SLC4A11: variants seen among roughly 807,000 people sequenced by gnomAD.
The protein encoded by SLC4A11 is solute carrier family 4 member 11.
Under a neutral mutation model 95.0 loss-of-function variants are expected in SLC4A11, and 74 were observed. The observed-to-expected ratio is 0.78, with a 90% CI of 0.65 to 0.95. The LOEUF (loss-of-function observed/expected upper bound fraction) is 0.95, where lower values mean the gene tolerates loss of function less well. SLC4A11 is among the 40% of genes least tolerant of loss of function. SLC4A11 has a pLI of 0.00. For synonymous variants in SLC4A11, 548 were observed against 519.0 expected (o/e 1.06, Z -0.76); for missense variants, 1,081 against 1,192.4 (o/e 0.91, Z 1.38).
In SLC4A11 at chr20:3,239,113, A is replaced by G; in HGVS notation, c.25T>C (p.Phe9Leu). MAAATRRV[F>L]HLQPCENSPT... ...CACCCACCGCACGGCTGCAGATGGAACACGCGCCTGGTGGCCGCGGCCATG... is the reference window on the plus strand; with the variant it reads ...CACCCACCGCACGGCTGCAGATGGAGCACGCGCCTGGTGGCCGCGGCCATG... The change falls in exon 1 of 20, where the codon TTC (phenylalanine) becomes CTC (leucine). Residue 9 changes from phenylalanine (F) to leucine (L), a missense_variant. Physicochemically the swap from Phe to Leu is conservative, Grantham distance 22 (BLOSUM62 0). This residue lies in a region of SLC4A11 where 310 missense variants were observed against 313.5 expected (regional missense o/e 0.99). Transcript: ENST00000642402. 1 of 1,476,790 alleles carries G rather than the reference A, an allele frequency of 6.8e-7. No homozygotes were observed. Among genetic ancestry groups the G allele is most frequent in the Non-Finnish European group, 8.9e-7 (1 of 1,118,498 alleles). 91.5% of individuals were successfully genotyped at this position (1,476,790 alleles called of 1,614,324 possible).
chr20:3,238,789 C>T, intron 1 of SLC4A11: 1 of 1,137,590 alleles, frequency 8.8e-7, no homozygotes, highest in Non-Finnish European at 1.1e-6. Context: ...CCCACAGCTC[C>T]GCCCTGCCCA....
Position 3,230,778 on chromosome 20 carries a change from T to A in SLC4A11, c.1236A>T (p.Pro412=). 6.2e-7 allele frequency: 1 copy of A among 1,613,160 alleles called. No individual in the cohort carries two copies. Among genetic ancestry groups the A allele is most frequent in the Non-Finnish European group, 8.5e-7 (1 of 1,179,962 alleles). The part of the protein sequence containing the change: ...GLLYALFSGQ[P]LVILLTTAPL... The stretch of plus-strand genomic sequence containing the variant: ...GCGCGGTGGTCAGCAGAATCACCAA[T>A]GGCTGCCCAGAGAAGAGCGCGTAGA... Residue 412 remains proline, a synonymous_variant, in exon 11 of 20, where the codon CCA becomes CCT. Coordinates refer to ENST00000642402, the MANE Select transcript of SLC4A11 (RefSeq NM_001174089.2).
At chr20:3,237,203 C>T (rs978205461) in intron 2 of SLC4A11, among the ~76,000 whole-genome samples, 2 of 152,162 alleles carry the variant, frequency 1.3e-5, no homozygotes, top group Non-Finnish European at 2.9e-5. Flanking sequence ...ACAGATATTC[C>T]CTCCAGGGCT....
chr20:3,234,097 G>A lies in SLC4A11; in HGVS notation c.509C>T (p.Pro170Leu), dbSNP rs764821934. Residue 170 changes from proline to leucine, a missense_variant, in exon 5 of 20, where the codon CCC (proline) becomes CTC (leucine). Pro to Leu is a moderately conservative substitution (Grantham distance 98). Around this residue, in one of 3 missense-constraint regions of SLC4A11, gnomAD observed 310 missense variants for 313.5 expected, o/e 0.99. Coordinates refer to ENST00000642402, the MANE Select transcript of SLC4A11 (RefSeq NM_001174089.2). The surrounding 1 kb of genome is among the most constrained non-coding windows in gnomAD (Gnocchi z 5.8). ...ACCGGCCTCACCTTTACCCCGCATG[G>A]GTGCCCCGGCATCGGTGAAGAGCAT... ...MAMLFTDAGAPMRGKVHLLSD... is the reference protein window; with the variant it reads ...MAMLFTDAGALMRGKVHLLSD... The A allele has an allele frequency of 1.9e-6, 3 of 1,613,998 alleles. No individual in the cohort carries two copies. The highest frequency in any genetic ancestry group is 1.6e-4 in the Middle Eastern group (1 of 6,062).
rs1279887668 is a variant in SLC4A11, at chr20:3,227,820, G to A, written c.2595C>T (p.Tyr865=). 2 of 1,613,120 alleles carry A rather than the reference G, an allele frequency of 1.2e-6. No homozygotes were observed. Among genetic ancestry groups the A allele is most frequent in the African/African-American group, 1.3e-5 (1 of 74,912 alleles). Residue 865 remains tyrosine (Y), a synonymous_variant, in exon 20 of 20, where the codon TAC becomes TAT. Coordinates refer to ENST00000642402, the MANE Select transcript of SLC4A11 (RefSeq NM_001174089.2). ...TGTGCTCAGCGTCCATGACATCCAAGTACTTGGCTTCAATGATTCGGGGCA... is the reference window on the plus strand; with the variant it reads ...TGTGCTCAGCGTCCATGACATCCAAATACTTGGCTTCAATGATTCGGGGCA... ...ILLPRIIEAK[Y]LDVMDAEHRP
At position 3,228,493 on chromosome 20, in the gene SLC4A11, C is replaced by T. The variant is rs150730141; in HGVS notation, c.2388+19G>A. The T allele has an allele frequency of 4.2e-4, 672 of 1,612,994 alleles. 3 individuals carry two copies. The African/African-American group carries it at 7.8e-3, about 19-fold the overall frequency. On this transcript the variant is annotated intron_variant, in intron 18 of 19. Transcript: ENST00000642402. ...TGTGTCCCCACCCACGCCACTCCCT[C>T]GCAGGGCCAAGCGCTCACCTGCTCC...
rs2067575885 is a variant in SLC4A11 at position 3,227,711 on chromosome 20, C to A, written c.*76G>T. 1.3e-6 allele frequency: 2 copies of A among 1,501,728 alleles called. No individual in the cohort carries two copies. The highest frequency in any genetic ancestry group is 1.4e-5 in the African/African-American group (1 of 72,820). The allele number at this position is 1,501,728 out of a possible 1,614,324, so 93.0% of individuals were successfully genotyped here. On this transcript the variant is annotated 3_prime_UTR_variant, in exon 20 of 20. Transcript: ENST00000642402. ...CAGAGCAGTCACCCACACACCTACA[C>A]CTCCCCTCACAGCTCCAGAGCCAGC...
intron 1 of SLC4A11, chr20:3,238,733 C>T: frequency 9.4e-7 from 1 of 1,063,624 alleles, no homozygotes; most frequent in African/African-American, 1.7e-5. Flanking sequence ...TCCGAGGCGG[C>T]GGCCCGCCAG....
chr20:3,229,464 A>T lies in SLC4A11; in HGVS notation c.1743-12T>A, dbSNP rs1568530799. ...GGTGCAGGTAGGGGCTGGGGACAGC[A>T]GGTGCATGAGCACAGCCTTTGACCC... is the stretch of plus-strand genomic sequence containing the variant. On this transcript the variant is annotated splice_polypyrimidine_tract_variant and intron_variant, in intron 14 of 19. Transcript: ENST00000642402. 1 of 1,613,128 alleles carries T rather than the reference A, an allele frequency of 6.2e-7. No individual in the cohort carries two copies. Among genetic ancestry groups the T allele is most frequent in the Non-Finnish European group, 8.5e-7 (1 of 1,180,002 alleles).
chr20:3,233,764 A>G (rs1568540292), intron 6 of SLC4A11, 127 bp from the exon 7 acceptor site: 1 of 1,534,924 alleles, frequency 6.5e-7, no homozygotes, highest in South Asian at 1.1e-5. Flanking sequence ...AGCAAATGGG[A>G]CGTTCCTTGG....
At chr20:3,236,488 C>T (rs2122637001) in intron 2 of SLC4A11, among the ~76,000 whole-genome samples, 2 of 152,188 alleles carry the variant, frequency 1.3e-5, no homozygotes, top group Admixed American at 1.3e-4. Context: ...ACTCGGGAGG[C>T]TGAGGCAGGA....
At chr20:3,237,205 T>G (rs751061054) in intron 2 of SLC4A11, among the ~76,000 whole-genome samples, 2 of 152,126 alleles carry the variant, frequency 1.3e-5, no homozygotes, top group Non-Finnish European at 2.9e-5. Flanking sequence ...AGATATTCCC[T>G]CCAGGGCTGG....
At position 3,234,371 on chromosome 20, in the gene SLC4A11, C is replaced by T. The variant is rs1397756339; in HGVS notation, c.292-57G>A. The stretch of plus-strand genomic sequence containing the variant: ...GCCCATGTATGAGATGCTGTCACTG[C>T]CTGGTCCCTCCCTCCCAGCCAGCCG... On this transcript the variant is annotated intron_variant, in intron 4 of 19. Coordinates refer to ENST00000642402, the MANE Select transcript of SLC4A11 (RefSeq NM_001174089.2). This position sits in a 1 kb window ranked among gnomAD's most constrained non-coding sequence, Gnocchi z 5.8. 9.0e-6 allele frequency: 14 copies of T among 1,552,194 alleles called. No homozygotes were observed. Among genetic ancestry groups the T allele is most frequent in the Middle Eastern group, 4.1e-4 (2 of 4,848 alleles).
chr20:3,230,492 C>T (rs2067720848), intron 12 of SLC4A11, 23 bp downstream of exon 12: 1 of 1,613,488 alleles, frequency 6.2e-7, no homozygotes, highest in African/African-American at 1.3e-5. Flanking sequence ...AGGGTCCCAG[C>T]AGCTCACGGA....
In SLC4A11 at chr20:3,229,614, G is replaced by C. The variant is rs1266510535; in HGVS notation, c.1652C>G (p.Thr551Arg). Reference sequence around the variant, plus strand: ...CACGGCGGTCGCCTGGCCTGAGTGTGTGGCCGAGGGCAGCTCCGTGGGGCT... The same window carrying C: ...CACGGCGGTCGCCTGGCCTGAGTGTCTGGCCGAGGGCAGCTCCGTGGGGCT... ...LASPTELPSA[T>R]HSGQATAVLS... The change falls in exon 14 of 20, where the codon ACA becomes AGA. Residue 551 changes from threonine (T) to arginine (R), a missense_variant. Physicochemically the swap from Thr to Arg is moderately conservative, Grantham distance 71 (BLOSUM62 -1). Coordinates refer to ENST00000642402, the MANE Select transcript of SLC4A11 (RefSeq NM_001174089.2). The C allele has an allele frequency of 6.2e-7, 1 of 1,613,026 alleles. No homozygotes were observed. The highest frequency in any genetic ancestry group is 1.1e-5 in the South Asian group (1 of 91,064).
rs1555779120 is a variant in SLC4A11 at position 3,233,961 on chromosome 20, C to G, written c.565G>C (p.Val189Leu). 6.2e-7 allele frequency: 1 copy of G among 1,613,892 alleles called. No homozygotes were observed. Among genetic ancestry groups the G allele is most frequent in the South Asian group, 1.1e-5 (1 of 91,080 alleles). The stretch of plus-strand genomic sequence containing the variant: ...GACTGCTGGTACCGCACCCCTGTCA[C>G]TGTGGCGGTGACCCCTTGGATGGTA... Reference protein sequence around the residue: ...SDTIQGVTATVTGVRYQQSWL... With the variant: ...SDTIQGVTATLTGVRYQQSWL... Residue 189 changes from valine (V) to leucine (L), a missense_variant, in exon 6 of 20, where the codon GTG (valine) becomes CTG (leucine). Physicochemically the swap from Val to Leu is conservative, Grantham distance 32. Around this residue, in one of 3 missense-constraint regions of SLC4A11, gnomAD observed 310 missense variants for 313.5 expected, o/e 0.99. Transcript: ENST00000642402.
Position 3,234,158 on chromosome 20 carries a change from T to G in SLC4A11, c.448A>C (p.Asn150His). 6.2e-7 allele frequency: 1 copy of G among 1,614,052 alleles called. No individual in the cohort carries two copies. The highest frequency in any genetic ancestry group is 8.5e-7 in the Non-Finnish European group (1 of 1,179,992). The stretch of plus-strand genomic sequence containing the variant: ...AGGTCCAGGTTGCAGTTGGGCTCAT[T>G]GTTGTCAGGGTCCCTGGCGAAGCGG... The part of the protein sequence containing the change: ...LRRFARDPDN[N>H]EPNCNLDLLM... The change falls in exon 5 of 20, where the codon AAT (asparagine) becomes CAT (histidine). Residue 150 changes from asparagine to histidine, a missense_variant. Coordinates refer to ENST00000642402, the MANE Select transcript of SLC4A11 (RefSeq NM_001174089.2). The surrounding 1 kb of genome is among the most constrained non-coding windows in gnomAD (Gnocchi z 5.8).
At position 3,227,840 on chromosome 20, in the gene SLC4A11, G is replaced by A. The variant is rs201771042; in HGVS notation, c.2575C>T (p.Arg859Ter). 3 of 1,613,012 alleles carry A rather than the reference G, an allele frequency of 1.9e-6. No homozygotes were observed. The highest frequency in any genetic ancestry group is 2.2e-5 in the South Asian group (2 of 91,066). Reference sequence around the variant, plus strand: ...TCCAAGTACTTGGCTTCAATGATTCGGGGCAGCAGGATATAGCTGTGGGGA... The same window carrying A: ...TCCAAGTACTTGGCTTCAATGATTCAGGGCAGCAGGATATAGCTGTGGGGA... ...MIPIRYILLP[R>*]IIEAKYLDVM... Residue 859 changes from arginine (R) to a stop codon, truncating the protein, a stop_gained, in exon 20 of 20, where the codon CGA (arginine) becomes TGA (stop). Transcript: ENST00000642402. LOFTEE classifies it high-confidence loss of function.
intron 17 of SLC4A11, 44 bp downstream of exon 17, chr20:3,228,794 C>A (rs777817044): frequency 6.2e-7 from 1 of 1,613,162 alleles, no homozygotes; most frequent in Non-Finnish European, 8.5e-7. Context: ...GCCAGAGGCT[C>A]CCCACTCCTC....
Sources: gnomAD v4.1 joint callset for allele counts (sites outside exome capture counted in the v4.1 genomes callset) on GRCh38, gnomAD v4.1.1 for gene constraint, gnomAD v4.1.1 regional missense constraint, Gnocchi (gnomAD v3.1) non-coding constraint, MANE v1.5 for transcripts, NCBI Gene and HGNC (gene_info 2026-07-23, HGNC 2026-07-21) for gene names.